The following CFAP44 variants were observed in gnomAD, a reference collection of about 807,000 sequenced individuals.
CFAP44 encodes cilia and flagella associated protein 44.
Under a neutral mutation model 216.2 loss-of-function variants are expected in CFAP44, and 134 were observed. The observed-to-expected ratio is 0.62, with a 90% CI of 0.54 to 0.72. The LOEUF is 0.72. Among genes scored for constraint, CFAP44 ranks in the 30% least tolerant of loss-of-function variants. CFAP44 has a pLI of 0.00. For missense variants in CFAP44, 2,035 were observed against 2,182.1 expected, an observed-to-expected ratio of 0.93 and a Z score of 1.34; for synonymous variants, 700 against 727.6, an observed-to-expected ratio of 0.96 and a Z score of 0.61.
rs1216341820 is a variant in CFAP44 at position 113,303,904 on chromosome 3, T to C, written c.5077+12A>G. ...AAACCTTACTAGCAAGGCTGTGGGCTTAGATACTCACTGTGTATGGTTTTT... is the reference window on the plus strand; with the variant it reads ...AAACCTTACTAGCAAGGCTGTGGGCCTAGATACTCACTGTGTATGGTTTTT... On this transcript the variant is annotated intron_variant, in intron 32 of 34. Coordinates refer to ENST00000393845, the MANE Select transcript of CFAP44 (RefSeq NM_001164496.2). The C allele has an allele frequency of 1.7e-5, 26 of 1,537,372 alleles. No individual in the cohort carries two copies. In the South Asian group the frequency reaches 2.6e-4, roughly 15 times the overall value.
At chr3:113,318,995 C>T (rs1041934277) in intron 28 of CFAP44, among the ~76,000 whole-genome samples, 1 of 151,400 alleles carries the variant, frequency 6.6e-6, no homozygotes, top group Non-Finnish European at 1.5e-5. Context: ...CTTTAGCACA[C>T]AGCTGGCAGG....
chr3:113,392,559 T>C (rs921110837), intron 15 of CFAP44, among the ~76,000 whole-genome samples: 2 of 152,132 alleles, frequency 1.3e-5, no homozygotes, highest in Non-Finnish European at 2.9e-5. Context: ...TAAAAGAGTA[T>C]GAGTGGATTG....
Position 113,363,474 on chromosome 3 carries a change from T to C in CFAP44, c.2771+3A>G, listed in dbSNP as rs1386295413. 2 of 1,609,088 alleles carry C rather than the reference T, an allele frequency of 1.2e-6. No homozygotes were observed. The highest frequency in any genetic ancestry group is 8.5e-7 in the Non-Finnish European group (1 of 1,178,198). On this transcript the variant is annotated splice_donor_region_variant and intron_variant, in intron 20 of 34. Coordinates refer to ENST00000393845, the MANE Select transcript of CFAP44 (RefSeq NM_001164496.2). ...AGTCAGTATTTATCAAAAATTCCCA[T>C]ACCTGTAGGCTTTGGGATCTTCAAT...
rs1949821041 is a variant in CFAP44 at position 113,290,738 on chromosome 3, T to C, written c.*819A>G. The C allele has an allele frequency of 6.6e-6, 1 of 152,202 alleles. No individual in the cohort carries two copies. The highest frequency in any genetic ancestry group is 1.5e-5 in the Non-Finnish European group (1 of 68,040). 9.4% of individuals were successfully genotyped at this position (152,202 alleles called of 1,614,324 possible). On this transcript the variant is annotated 3_prime_UTR_variant, in exon 35 of 35. Coordinates refer to ENST00000393845, the MANE Select transcript of CFAP44 (RefSeq NM_001164496.2). ...ATCTATTTCATTATCTCCTCATCTA[T>C]ATCAAAACCAGCAAATGGCCCAAGT...
intron 32 of CFAP44, among the ~76,000 whole-genome samples, chr3:113,297,135 C>G (rs181838673): frequency 6.6e-6 from 1 of 152,102 alleles, no homozygotes. Context: ...ATGGACTGAT[C>G]TGCCCCTCCT....
chr3:113,396,787 A>G (rs1361593453), intron 13 of CFAP44, 60 bp from the exon 14 acceptor site: 3 of 1,480,238 alleles, frequency 2.0e-6, no homozygotes, highest in African/African-American at 2.8e-5. Context: ...GTTGTACTAT[A>G]TAACAGATAT....
chr3:113,368,163 T>C (rs1933025194), intron 18 of CFAP44, among the ~76,000 whole-genome samples: 2 of 152,142 alleles, frequency 1.3e-5, no homozygotes. Context: ...TAGAAAACAC[T>C]CTTCAGGATA....
At chr3:113,349,276 A>C (rs1950418858) in intron 22 of CFAP44, among the ~76,000 whole-genome samples, 1 of 152,174 alleles carries the variant, frequency 6.6e-6, no homozygotes, top group African/African-American at 2.4e-5. Flanking sequence ...TTATCCTAAA[A>C]GATAAGTTTA....
chr3:113,427,222 C>T lies in CFAP44; in HGVS notation c.218G>A (p.Ser73Asn), dbSNP rs772713111. 1 of 1,613,106 alleles carries T rather than the reference C, an allele frequency of 6.2e-7. No homozygotes were observed. Among genetic ancestry groups the T allele is most frequent in the Non-Finnish European group, 8.5e-7 (1 of 1,179,750 alleles). The change falls in exon 3 of 35, where the codon AGT becomes AAT. Residue 73 changes from serine to asparagine, a missense_variant. Transcript: ENST00000393845. ...SDEERLEGSL[S>N]SFQYGDLQST... ...TTGCAAATCACCATACTGAAATGAA[C>T]TCAAACTTCCTTCCAAACGTTCCTC...
At chr3:113,423,065 T>G (rs1934859059) in intron 4 of CFAP44, among the ~76,000 whole-genome samples, 1 of 150,996 alleles carries the variant, frequency 6.6e-6, no homozygotes, top group South Asian at 2.1e-4. Context: ...GTTGAACTAA[T>G]GAATTCATTA....
chr3:113,377,129 A>G (rs374025558), intron 17 of CFAP44, among the ~76,000 whole-genome samples: 2 of 152,244 alleles, frequency 1.3e-5, no homozygotes, highest in Admixed American at 6.5e-5. Flanking sequence ...TGAGGTTATC[A>G]TTGAAGAGTA....
At chr3:113,291,830 G>A (rs1426592112) in intron 34 of CFAP44, 82 bp from the exon 35 acceptor site, 5 of 1,451,754 alleles carry the variant, frequency 3.4e-6, no homozygotes, top group African/African-American at 1.4e-5. Flanking sequence ...TATCTGTGAT[G>A]AGTGCTGGCC....
intron 12 of CFAP44, 59 bp downstream of exon 12, chr3:113,400,486 T>G: frequency 7.1e-7 from 1 of 1,410,452 alleles, no homozygotes; most frequent in South Asian, 1.5e-5. Context: ...ATATAAAAAT[T>G]TTATTGCAAA....
intron 15 of CFAP44, among the ~76,000 whole-genome samples, chr3:113,394,778 G>C (rs193261582): frequency 1.3e-5 from 2 of 152,152 alleles, no homozygotes; most frequent in Admixed American, 1.3e-4. Context: ...TTATGAATTT[G>C]TGTTGCGCCT....
At chr3:113,294,534 C>T (rs182197972) in intron 34 of CFAP44, 153 bp downstream of exon 34, 1 of 1,020,336 alleles carries the variant, frequency 9.8e-7, no homozygotes, top group Non-Finnish European at 1.4e-6. Context: ...GTGGCTAACA[C>T]CAACTCAGTG....
intron 7 of CFAP44, 82 bp from the exon 8 acceptor site, chr3:113,407,123 T>G: frequency 1.0e-6 from 1 of 999,420 alleles, no homozygotes; most frequent in Non-Finnish European, 1.6e-6. Context: ...ATTTACATAT[T>G]TCATAGTTGC....
rs753027624 is a variant in CFAP44, at chr3:113,373,363, A to C, written c.2444+48T>G. The C allele has an allele frequency of 4.3e-6, 6 of 1,407,304 alleles. No individual in the cohort carries two copies. The East Asian group carries it at 1.6e-4, about 37-fold the overall frequency. 87.2% of individuals were successfully genotyped at this position (1,407,304 alleles called of 1,614,324 possible). ...ATATCCATGATGAACAAAAGCATAG[A>C]CACTAACAGGATATGGTTTTTTTAA... is the stretch of plus-strand genomic sequence containing the variant. On this transcript the variant is annotated intron_variant, in intron 18 of 34. Coordinates refer to ENST00000393845, the MANE Select transcript of CFAP44 (RefSeq NM_001164496.2).
chr3:113,315,680 A>T (rs997332552), intron 28 of CFAP44, among the ~76,000 whole-genome samples: 1 of 152,192 alleles, frequency 6.6e-6, no homozygotes, highest in Non-Finnish European at 1.5e-5. Context: ...CAGCTTTATG[A>T]TGGTGTGAAA....
At chr3:113,344,847 T>C in intron 22 of CFAP44, 135 bp from the exon 23 acceptor site, 1 of 765,478 alleles carries the variant, frequency 1.3e-6, no homozygotes. Flanking sequence ...TTTTAACATA[T>C]ATATACCAAC....
Sources: allele counts gnomAD v4.1 joint callset (sites outside exome capture counted in the v4.1 genomes callset), GRCh38; gene constraint gnomAD v4.1.1; transcripts MANE v1.5; gene names NCBI Gene and HGNC (gene_info 2026-07-23, HGNC 2026-07-21).